ARHGEF28: variants seen among roughly 807,000 people sequenced by gnomAD.
ARHGEF28 encodes the protein Rho guanine nucleotide exchange factor 28.
In ARHGEF28, 152 loss-of-function variants were observed where a neutral mutation model predicts 206.6. The ratio of observed to expected loss-of-function variants is 0.74; its 90% CI spans 0.64 to 0.84. ARHGEF28 has a LOEUF of 0.84. ARHGEF28 is among the 40% of genes least tolerant of loss of function. The pLI, the probability that ARHGEF28 is intolerant of heterozygous loss-of-function variation, is 0.00. For synonymous variants in ARHGEF28, 763 were observed against 776.4 expected (o/e 0.98, Z 0.29); for missense variants, 2,028 against 2,073.2 (o/e 0.98, Z 0.42).
At chr5:73,848,945 T>A (rs1758537341) in intron 12 of ARHGEF28, 31 bp from the exon 13 acceptor site, 1 of 1,452,500 alleles carries the variant, frequency 6.9e-7, no homozygotes, top group African/African-American at 1.4e-5. Context: ...CATGTATAAA[T>A]TTTTAAACAC....
At chr5:73,887,407 T>C in intron 25 of ARHGEF28, 196 bp from the exon 26 acceptor site, 1 of 421,168 alleles carries the variant, frequency 2.4e-6, no homozygotes, top group Non-Finnish European at 4.2e-6. Flanking sequence ...TACCTATACC[T>C]ACAGCCACAC....
At chr5:73,796,740 A>T (rs1164802252) in intron 9 of ARHGEF28, among the ~76,000 whole-genome samples, 2 of 152,210 alleles carry the variant, frequency 1.3e-5, no homozygotes, top group East Asian at 3.8e-4. Flanking sequence ...TTGCTATTTA[A>T]GGTAAGAGTA....
At chr5:73,764,210 G>T (rs1255592261) in intron 4 of ARHGEF28, among the ~76,000 whole-genome samples, 1 of 152,200 alleles carries the variant, frequency 6.6e-6, no homozygotes, top group African/African-American at 2.4e-5. Flanking sequence ...CTGTTAGCTG[G>T]AGGCTTGCTA....
intron 1 of ARHGEF28, among the ~76,000 whole-genome samples, chr5:73,636,014 A>G (rs905319514): frequency 6.6e-6 from 1 of 152,230 alleles, no homozygotes; most frequent in East Asian, 1.9e-4. Context: ...ATCACCAGAA[A>G]TATTGATATC....
rs372506010 is a variant in ARHGEF28 at position 73,846,007 on chromosome 5, A to G, written c.1428-261A>G. 4.7e-3 allele frequency among the ~76,000 whole-genome samples: 648 copies of G among 138,798 alleles called. 2 individuals carry two copies. Among genetic ancestry groups the G allele is most frequent in the South Asian group, 0.016 (67 of 4,250 alleles). The allele number at this position is 138,798 out of a possible 152,430, so 91.1% of individuals were successfully genotyped here. A position where few individuals can be genotyped will look rare whatever the true frequency, so the allele number is the denominator to read the frequency against. ...GTCTCAAAAAAAAAAAAAAAAAAAA[A>G]AAAGAAAGAAAGAAAGAAAATGAAA... On this transcript the variant is annotated intron_variant, in intron 11 of 35. Transcript: ENST00000513042.
At chr5:73,927,284 G>A (rs1291360318) in intron 35 of ARHGEF28, among the ~76,000 whole-genome samples, 3 of 152,162 alleles carry the variant, frequency 2.0e-5, no homozygotes, top group Non-Finnish European at 4.4e-5. Flanking sequence ...GGCTGAGGCA[G>A]GAGGATCACA....
intron 16 of ARHGEF28, 46 bp from the exon 17 acceptor site, chr5:73,864,771 T>G: frequency 6.5e-7 from 1 of 1,540,952 alleles, no homozygotes; most frequent in South Asian, 1.2e-5. Context: ...AATTTCAGAC[T>G]AATTAAGTAA....
At chr5:73,890,991 G>A (rs1367943693) in intron 26 of ARHGEF28, among the ~76,000 whole-genome samples, 1 of 152,222 alleles carries the variant, frequency 6.6e-6, no homozygotes, top group Non-Finnish European at 1.5e-5. Context: ...TGGTAGAAGA[G>A]GTGGTTTAAT....
intron 28 of ARHGEF28, chr5:73,893,502 A>C (rs962134767): frequency 2.1e-5 from 9 of 421,202 alleles, no homozygotes; most frequent in African/African-American, 1.8e-4. Flanking sequence ...GATGTAAAAA[A>C]TGCACATAAC....
chr5:73,885,960 G>T lies in ARHGEF28; in HGVS notation c.3166G>T (p.Glu1056Ter). The T allele has an allele frequency of 6.2e-7, 1 of 1,613,532 alleles. No individual in the cohort carries two copies. The highest frequency in any genetic ancestry group is 8.5e-7 in the Non-Finnish European group (1 of 1,179,674). Residue 1056 changes from glutamate to a stop codon, truncating the protein, a stop_gained, in exon 25 of 36, where the codon GAG (glutamate) becomes TAG (stop). Coordinates refer to ENST00000513042, the MANE Select transcript of ARHGEF28 (RefSeq NM_001177693.2). LOFTEE classifies it high-confidence loss of function. ...NEYEKNQKWL[E>*]ILNKIENKTY... The stretch of plus-strand genomic sequence containing the variant: ...ATATGAGAAAAACCAAAAATGGCTT[G>T]AGATCCTAAATAAGATTGAAAACAA...
intron 4 of ARHGEF28, among the ~76,000 whole-genome samples, chr5:73,755,187 A>AG (rs1752239047): frequency 1.3e-5 from 2 of 151,698 alleles, no homozygotes; most frequent in African/African-American, 4.8e-5. Flanking sequence ...ATAAATTTAT[A>AG]TATCTATGAT....
At chr5:73,670,207 A>AT in intron 1 of ARHGEF28, among the ~76,000 whole-genome samples, 1 of 152,160 alleles carries the variant, frequency 6.6e-6, no homozygotes, top group South Asian at 2.1e-4. Context: ...GTATCTATAA[A>AT]TTTTTCGTTT....
Position 73,840,649 on chromosome 5 carries a change from C to T in ARHGEF28, c.1316C>T (p.Thr439Ile). 1 of 1,613,816 alleles carries T rather than the reference C, an allele frequency of 6.2e-7. No individual in the cohort carries two copies. Among genetic ancestry groups the T allele is most frequent in the Non-Finnish European group, 8.5e-7 (1 of 1,179,800 alleles). The change falls in exon 11 of 36, where the codon ACT (threonine) becomes ATT (isoleucine). Residue 439 changes from threonine to isoleucine, a missense_variant. Coordinates refer to ENST00000513042, the MANE Select transcript of ARHGEF28 (RefSeq NM_001177693.2). ...LSENVEGTAH[T>I]EAQQSFMSPS... ...GAAAATGTCGAAGGGACAGCACACA[C>T]TGAAGCCCAGCAGTCCTTCATGTCA...
chr5:73,867,370 A>T (rs986753553), intron 18 of ARHGEF28, among the ~76,000 whole-genome samples: 3 of 152,222 alleles, frequency 2.0e-5, no homozygotes, highest in Non-Finnish European at 4.4e-5. Context: ...TGTGTGAGAG[A>T]GAATAGCCCA....
chr5:73,901,258 T>G lies in ARHGEF28; in HGVS notation c.4048T>G (p.Leu1350Val), dbSNP rs772113332. 2.5e-5 allele frequency: 40 copies of G among 1,613,392 alleles called. No individual in the cohort carries two copies. The African/African-American group carries it at 4.1e-4, about 17-fold the overall frequency. Residue 1350 changes from leucine (L) to valine (V), a missense_variant, in exon 31 of 36, where the codon TTG (leucine) becomes GTG (valine). Leu to Val is a conservative substitution (Grantham distance 32, BLOSUM62 1). Around this residue, in one of 3 missense-constraint regions of ARHGEF28, gnomAD observed 803 missense variants for 768.0 expected, o/e 1.05. Coordinates refer to ENST00000513042, the MANE Select transcript of ARHGEF28 (RefSeq NM_001177693.2). ...DPGIQGVVTD[L>V]AVSDAGEKVE... ...CGGGATCCAGGGTGTGGTAACCGAC[T>G]TGGCCGTCTCTGATGCAGGGGAGAA...
intron 9 of ARHGEF28, among the ~76,000 whole-genome samples, chr5:73,804,242 T>C (rs1345757423): frequency 6.6e-6 from 1 of 152,114 alleles, no homozygotes; most frequent in East Asian, 1.9e-4. Context: ...GCCACACAGG[T>C]GCCAAATGGA....
chr5:73,791,787 C>A (rs6453023), intron 7 of ARHGEF28, among the ~76,000 whole-genome samples: 79,599 of 151,826 alleles, frequency 0.52, 21,161 homozygotes, highest in African/African-American at 0.62. Flanking sequence ...TTGGCAATAA[C>A]AAAAACCATG....
intron 9 of ARHGEF28, among the ~76,000 whole-genome samples, chr5:73,809,065 A>G (rs1339139732): frequency 6.6e-6 from 1 of 152,086 alleles, no homozygotes; most frequent in Non-Finnish European, 1.5e-5. Flanking sequence ...CAGCCTGGCC[A>G]TGGTGCATGT....
At chr5:73,742,742 T>C (rs1349395808) in intron 2 of ARHGEF28, among the ~76,000 whole-genome samples, 1 of 146,142 alleles carries the variant, frequency 6.8e-6, no homozygotes, top group Non-Finnish European at 1.5e-5. Flanking sequence ...GAGAATGGCG[T>C]GAACCCGGGA....
Sources: gnomAD v4.1 joint callset for allele counts (sites outside exome capture counted in the v4.1 genomes callset) on GRCh38, gnomAD v4.1.1 for gene constraint, gnomAD v4.1.1 regional missense constraint, MANE v1.5 for transcripts, NCBI Gene and HGNC (gene_info 2026-07-23, HGNC 2026-07-21) for gene names.